FANCB: variants seen among roughly 807,000 people sequenced by gnomAD.
FANCB encodes FA complementation group B.
A neutral mutation model predicts 38.9 loss-of-function variants in FANCB; 5 were observed. That is an observed-to-expected ratio of 0.13 (90% CI 0.07 to 0.27). The LOEUF (loss-of-function observed/expected upper bound fraction) is 0.27, where lower values mean the gene tolerates loss of function less well. Among genes scored for constraint, FANCB ranks in the 10% least tolerant of loss-of-function variants. The pLI, the probability that FANCB is intolerant of heterozygous loss-of-function variation, is 1.00. For synonymous variants in FANCB, 236 were observed against 215.4 expected (o/e 1.10, Z -0.84); for missense variants, 573 against 602.7 (o/e 0.95, Z 0.52).
the FANCB span, chrX:14,730,679 T>TAAA: frequency 2.4e-6 from 1 of 417,927 alleles, no homozygotes; most frequent in African/African-American, 2.5e-5. Context: ...CTGCACAAAA[T>TAAA]TAAGGGGTTG....
At chrX:14,778,905 T>C in the FANCB span, among the ~76,000 whole-genome samples, 1 of 112,379 alleles carries the variant, frequency 8.9e-6, no homozygotes, top group Non-Finnish European at 1.9e-5. Context: ...TCCCGTGGCT[T>C]CTGCTTAAAA....
the FANCB span, among the ~76,000 whole-genome samples, chrX:14,692,396 C>T: frequency 8.9e-6 from 1 of 111,997 alleles, no homozygotes; most frequent in Admixed American, 9.5e-5. Context: ...TCTTACATTA[C>T]GATGGTATTT....
At chrX:14,740,953 AACACATGCACACACAC>A in the FANCB span, among the ~76,000 whole-genome samples, 4 of 110,007 alleles carry the variant, frequency 3.6e-5, no homozygotes, top group Non-Finnish European at 7.6e-5. Flanking sequence ...CTAATACACA[AACACATGCACACACAC>A]ACACACGCAC....
the FANCB span, among the ~76,000 whole-genome samples, chrX:14,716,774 G>C: frequency 9.0e-6 from 1 of 110,941 alleles, no homozygotes; most frequent in Non-Finnish European, 1.9e-5. Context: ...TAATATGAAT[G>C]GGAAGCAATA....
the FANCB span, among the ~76,000 whole-genome samples, chrX:14,816,521 T>C: frequency 8.9e-6 from 1 of 111,883 alleles, no homozygotes; most frequent in African/African-American, 3.3e-5. Flanking sequence ...AGAGCTTTAT[T>C]TAACCTATCA....
At chrX:14,812,845 G>T in the FANCB span, among the ~76,000 whole-genome samples, 7 of 110,339 alleles carry the variant, frequency 6.3e-5, no homozygotes, top group East Asian at 2.8e-4. Flanking sequence ...TACCAAAGCC[G>T]GGCAGAGATA....
At chrX:14,852,570 C>T (rs935802236) in intron 6 of FANCB, among the ~76,000 whole-genome samples, 18 of 111,113 alleles carry the variant, frequency 1.6e-4, no homozygotes, top group African/African-American at 5.6e-4. Context: ...GGAACATTTG[C>T]TAGAGGAAAA....
the FANCB span, among the ~76,000 whole-genome samples, chrX:14,745,866 A>C: frequency 1.9e-5 from 2 of 106,687 alleles, no homozygotes; most frequent in African/African-American, 3.4e-5. Flanking sequence ...TGACCGGCTA[A>C]TTTTTTCTAT....
chrX:14,831,601 G>A (rs1314395599), downstream of FANCB, among the ~76,000 whole-genome samples: 2 of 111,310 alleles, frequency 1.8e-5, no homozygotes, highest in African/African-American at 3.3e-5. Flanking sequence ...GATGGGGAAC[G>A]GAATCTTAGC....
At chrX:14,839,144 C>G (rs2092348353), downstream of FANCB, among the ~76,000 whole-genome samples, 1 of 110,616 alleles carries the variant, frequency 9.0e-6, no homozygotes, top group Non-Finnish European at 1.9e-5. Context: ...AAATACAAAA[C>G]TTAGGCGGCC....
intron 5 of FANCB, among the ~76,000 whole-genome samples, chrX:14,856,562 C>A (rs2092423979): frequency 9.0e-6 from 1 of 111,405 alleles, no homozygotes; most frequent in Non-Finnish European, 1.9e-5. Flanking sequence ...AATATGTGTT[C>A]AATAAGCATT....
chrX:14,811,471 G>A, the FANCB span, among the ~76,000 whole-genome samples: 103 of 110,795 alleles, frequency 9.3e-4, no homozygotes, highest in African/African-American at 3.1e-3. Context: ...GATGGAGGAA[G>A]ATCTACCAAG....
the FANCB span, among the ~76,000 whole-genome samples, chrX:14,830,825 T>C: frequency 0.27 from 29,832 of 111,493 alleles, 3,079 homozygotes; most frequent in Non-Finnish European, 0.31. Flanking sequence ...CACTAGTGTG[T>C]TGCACAATGA....
At chrX:14,732,821 T>A in the FANCB span, among the ~76,000 whole-genome samples, 1 of 112,347 alleles carries the variant, frequency 8.9e-6, no homozygotes, top group Non-Finnish European at 1.9e-5. Context: ...TCTCCCATTC[T>A]GTAGGTTGCC....
chrX:14,817,039 C>T, the FANCB span, among the ~76,000 whole-genome samples: 1,560 of 111,945 alleles, frequency 0.014, 25 homozygotes, highest in African/African-American at 0.041. Flanking sequence ...CACAGGGAGT[C>T]TATTTCTGAA....
downstream of FANCB, chrX:14,835,179 A>C: frequency 1.9e-6 from 1 of 529,371 alleles, no homozygotes; most frequent in Non-Finnish European, 3.4e-6. Flanking sequence ...CAGTCCCTAA[A>C]CAGACCGTTC....
At chrX:14,867,373 A>G (rs1328016164) in intron 2 of FANCB, among the ~76,000 whole-genome samples, 1 of 111,914 alleles carries the variant, frequency 8.9e-6, no homozygotes, top group African/African-American at 3.3e-5. Flanking sequence ...TGGTACCGAC[A>G]TAAAAACAGA....
At chrX:14,853,994 T>C (rs183852447) in intron 5 of FANCB, among the ~76,000 whole-genome samples, 3 of 112,835 alleles carry the variant, frequency 2.7e-5, no homozygotes, top group Admixed American at 1.9e-4. Flanking sequence ...AAATGCATCA[T>C]TATTTGGGAT....
chrX:14,796,885 G>T, the FANCB span, among the ~76,000 whole-genome samples: 1 of 110,180 alleles, frequency 9.1e-6, no homozygotes, highest in Non-Finnish European at 1.9e-5. Flanking sequence ...GAGAGCTGGT[G>T]GTGTTGATTC....
Sources: gnomAD v4.1 joint callset for allele counts (sites outside exome capture counted in the v4.1 genomes callset) on GRCh38, gnomAD v4.1.1 for gene constraint, MANE v1.5 for transcripts, NCBI Gene and HGNC (gene_info 2026-07-23, HGNC 2026-07-21) for gene names.